The following SORBS2 variants were observed in gnomAD, a reference collection of about 807,000 sequenced individuals.
The protein encoded by SORBS2 is sorbin and SH3 domain containing 2, also known as sorbin and SH3 domain-containing protein 2.
A neutral mutation model predicts 97.7 loss-of-function variants in SORBS2; 46 were observed. The observed-to-expected ratio is 0.47, with a 90% CI of 0.37 to 0.60. The LOEUF (loss-of-function observed/expected upper bound fraction) is 0.60. SORBS2 is among the 20% of genes least tolerant of loss of function. The probability of loss-of-function intolerance (pLI) is 0.00; values close to 1 mark genes in which losing one functional copy is unlikely to be tolerated. For synonymous variants in SORBS2, 476 were observed against 473.4 expected, an observed-to-expected ratio of 1.01 and a Z score of -0.07; for missense variants, 1,316 against 1,282.3, an observed-to-expected ratio of 1.03 and a Z score of -0.40.
At chr4:185,913,791 G>A (rs2099256624) in intron 1 of SORBS2, among the ~76,000 whole-genome samples, 1 of 152,110 alleles carries the variant, frequency 6.6e-6, no homozygotes, top group African/African-American at 2.4e-5. Flanking sequence ...TCATTGCAAT[G>A]GTTTAGTCTG....
intron 1 of SORBS2, among the ~76,000 whole-genome samples, chr4:185,833,685 T>G (rs1004879776): frequency 6.6e-6 from 1 of 152,152 alleles, no homozygotes; most frequent in African/African-American, 2.4e-5. Flanking sequence ...ATTCATAGGG[T>G]TTTATAAGGA....
chr4:185,781,162 C>T (rs1459797923), intron 1 of SORBS2, among the ~76,000 whole-genome samples: 1 of 152,150 alleles, frequency 6.6e-6, no homozygotes, highest in Non-Finnish European at 1.5e-5. Context: ...GTCTCGAACT[C>T]CTAACCTCAG....
chr4:185,898,529 G>GT (rs1347784992), intron 1 of SORBS2, among the ~76,000 whole-genome samples: 1 of 152,224 alleles, frequency 6.6e-6, no homozygotes, highest in Non-Finnish European at 1.5e-5. Context: ...CATTGCTCGT[G>GT]TTTTTGGAGG....
At position 185,678,560 on chromosome 4, in the gene SORBS2, G is replaced by A. The variant is rs1468855694; in HGVS notation, c.-170-13C>T. ...TAAGATCTCCAAGCTTTCATTAAGG[G>A]AAAACAATTGGATACAAAAATATCT... On this transcript the variant is annotated splice_polypyrimidine_tract_variant and intron_variant, in intron 3 of 20. Transcript: ENST00000284776. 1 of 1,519,634 alleles carries A rather than the reference G, an allele frequency of 6.6e-7. No homozygotes were observed. The highest frequency in any genetic ancestry group is 2.5e-5 in the East Asian group (1 of 40,258). The allele number at this position is 1,519,634 out of a possible 1,614,324, so 94.1% of individuals were successfully genotyped here. A position where few individuals can be genotyped will look rare whatever the true frequency, so the allele number is the denominator to read the frequency against.
chr4:185,787,186 C>A (rs2099060318), intron 1 of SORBS2, among the ~76,000 whole-genome samples: 1 of 152,112 alleles, frequency 6.6e-6, no homozygotes, highest in Non-Finnish European at 1.5e-5. Flanking sequence ...AAAATACAAC[C>A]AGTTCCCAGC....
chr4:185,588,593 C>CCTCCTCCTCCTCCCTCCT (rs1554048144), intron 14 of SORBS2, among the ~76,000 whole-genome samples: 5 of 65,278 alleles, frequency 7.7e-5, no homozygotes, highest in South Asian at 5.1e-4. Flanking sequence ...CGTTTCTCCT[C>CCTCCTCCTCCTCCCTCCT]CCTCCTCCTC....
intron 1 of SORBS2, among the ~76,000 whole-genome samples, chr4:185,853,742 G>A (rs569368825): frequency 1.6e-4 from 25 of 152,188 alleles, no homozygotes; most frequent in African/African-American, 5.5e-4. Context: ...GAAACATGGC[G>A]AGTGTTCCAA....
intron 1 of SORBS2, among the ~76,000 whole-genome samples, chr4:185,893,735 T>C (rs1409172226): frequency 1.3e-5 from 2 of 152,066 alleles, no homozygotes; most frequent in African/African-American, 4.8e-5. Context: ...GGGCTAGGGG[T>C]TCCCCGGGGG....
At chr4:185,753,867 T>A (rs1275535642) in intron 2 of SORBS2, among the ~76,000 whole-genome samples, 4 of 152,110 alleles carry the variant, frequency 2.6e-5, no homozygotes, top group Non-Finnish European at 5.9e-5. Context: ...GTAAATTAGG[T>A]CAACCATTGT....
chr4:185,617,703 A>C (rs548545127), intron 9 of SORBS2, among the ~76,000 whole-genome samples: 1 of 152,330 alleles, frequency 6.6e-6, no homozygotes, highest in African/African-American at 2.4e-5. Context: ...GTGCTTCCGC[A>C]ACCACATGCC....
At chr4:185,781,500 T>C (rs538606809) in intron 1 of SORBS2, among the ~76,000 whole-genome samples, 24 of 151,370 alleles carry the variant, frequency 1.6e-4, no homozygotes, top group Admixed American at 3.9e-4. Context: ...CCAGCCTCTC[T>C]AGCCTCCCTT....
chr4:185,782,660 T>C (rs1056330890), intron 1 of SORBS2, among the ~76,000 whole-genome samples: 1 of 152,252 alleles, frequency 6.6e-6, no homozygotes. Context: ...TGAAACTCTT[T>C]CTTGTGGCCA....
chr4:185,831,039 C>T (rs1423737723), intron 1 of SORBS2, among the ~76,000 whole-genome samples: 2 of 152,176 alleles, frequency 1.3e-5, no homozygotes, highest in Admixed American at 6.5e-5. Context: ...CCATTCAACA[C>T]GGTGTTTCAG....
At chr4:185,870,103 G>A (rs184691732) in intron 1 of SORBS2, among the ~76,000 whole-genome samples, 154 of 152,272 alleles carry the variant, frequency 1.0e-3, no homozygotes, top group African/African-American at 3.6e-3. Flanking sequence ...AATTTACACT[G>A]TTAACACTGC....
At chr4:185,849,421 T>G (rs986451417) in intron 1 of SORBS2, among the ~76,000 whole-genome samples, 1 of 151,936 alleles carries the variant, frequency 6.6e-6, no homozygotes, top group Non-Finnish European at 1.5e-5. Flanking sequence ...ATTTATGAAT[T>G]CCAAGTCACA....
chr4:185,823,078 G>T (rs995313712), intron 1 of SORBS2, among the ~76,000 whole-genome samples: 2 of 152,192 alleles, frequency 1.3e-5, no homozygotes, highest in African/African-American at 4.8e-5. Context: ...GTTTTACGGA[G>T]TGTCAGAGGA....
Position 185,857,718 on chromosome 4 carries a change from G to A in SORBS2, c.-337-82352C>T, listed in dbSNP as rs536781355. The stretch of plus-strand genomic sequence containing the variant: ...ATTCCTGTGGGGAGGTCTATGAATG[G>A]CCGCTCTGGGAGTGTCTGTCTTATA... On this transcript the variant is annotated intron_variant, in intron 1 of 20. Coordinates refer to the SORBS2 transcript ENST00000284776. Among the ~76,000 whole-genome samples, 7 of 152,266 alleles carry A rather than the reference G, an allele frequency of 4.6e-5. No homozygotes were observed. The East Asian group carries it at 1.4e-3, about 29-fold the overall frequency.
At chr4:185,598,810 G>C (rs2096181516) in intron 12 of SORBS2, among the ~76,000 whole-genome samples, 1 of 151,824 alleles carries the variant, frequency 6.6e-6, no homozygotes, top group African/African-American at 2.4e-5. Flanking sequence ...TAAAAAAATA[G>C]AATATTTATG....
At chr4:185,654,453 A>G (rs558790741) in intron 1 of SORBS2, among the ~76,000 whole-genome samples, 7 of 152,174 alleles carry the variant, frequency 4.6e-5, no homozygotes, top group Non-Finnish European at 5.9e-5. Context: ...ATCACTGTAT[A>G]TGGCAATACA....
Sources: allele counts gnomAD v4.1 joint callset (sites outside exome capture counted in the v4.1 genomes callset), GRCh38; gene constraint gnomAD v4.1.1; transcripts MANE v1.5; gene names NCBI Gene and HGNC (gene_info 2026-07-23, HGNC 2026-07-21).